UBA52: variants seen among roughly 807,000 people sequenced by gnomAD.
UBA52 encodes the protein ubiquitin A-52 residue ribosomal protein fusion product 1, also known as ubiquitin-ribosomal protein eL40 fusion protein.
In UBA52, 1 loss-of-function variant was observed where a neutral mutation model predicts 15.3. That is an observed-to-expected ratio of 0.07 (90% CI 0.02 to 0.31). UBA52 has a LOEUF of 0.31. Ranked by LOEUF, UBA52 falls within the 10% of genes least tolerant of loss-of-function variation. UBA52 has a pLI of 1.00. For missense variants in UBA52, 87 were observed against 168.0 expected, an observed-to-expected ratio of 0.52 and a Z score of 2.66; for synonymous variants, 50 against 58.3, an observed-to-expected ratio of 0.86 and a Z score of 0.65.
upstream of UBA52, chr19:18,567,298 G>A (rs771473834): frequency 6.1e-6 from 6 of 991,616 alleles, no homozygotes; most frequent in South Asian, 8.4e-5. Flanking sequence ...CAGTGGGTCT[G>A]GGGAAACCTG....
rs1457125625 is a variant in UBA52, at chr19:18,577,314, C to G, written c.*2164C>G. ...CAAGGGGGGATTGAAGGAAGAACCA[C>G]TCTTAATGGACAAAAAGAAAGAAAG... On this transcript the variant is annotated 3_prime_UTR_variant, in exon 5 of 5. Coordinates refer to ENST00000442744, the MANE Select transcript of UBA52 (RefSeq NM_001033930.3). 2.0e-5 allele frequency: 3 copies of G among 152,246 alleles called. No individual in the cohort carries two copies. The highest frequency in any genetic ancestry group is 2.1e-4 in the South Asian group (1 of 4,822). The allele number at this position is 152,246 out of a possible 1,614,324, so 9.4% of individuals were successfully genotyped here. A position where few individuals can be genotyped will look rare whatever the true frequency, so the allele number is the denominator to read the frequency against.
the UBA52 span, among the ~76,000 whole-genome samples, chr19:18,565,453 C>T: frequency 1.3e-5 from 2 of 152,084 alleles, no homozygotes; most frequent in African/African-American, 4.8e-5. Flanking sequence ...AGGATGGTCT[C>T]GATCTCCTGA....
At chr19:18,573,247 G>C (rs1032576185) in intron 1 of UBA52, 46 bp from the exon 2 acceptor site, 4 of 1,567,626 alleles carry the variant, frequency 2.6e-6, no homozygotes, top group Non-Finnish European at 3.5e-6. Context: ...GTGCTACTCA[G>C]GCATGCATTG....
At chr19:18,574,722 T>C in intron 3 of UBA52, 148 bp from the exon 4 acceptor site, 1 of 1,006,530 alleles carries the variant, frequency 9.9e-7, no homozygotes, top group Non-Finnish European at 1.4e-6. Flanking sequence ...CAGTGTATCT[T>C]CCACACGTAG....
upstream of UBA52, among the ~76,000 whole-genome samples, chr19:18,566,792 C>CAAA (rs112810621): frequency 8.8e-6 from 1 of 113,712 alleles, no homozygotes; most frequent in Non-Finnish European, 1.9e-5. Context: ...GATTCTGTCT[C>CAAA]AAAAAAAAAA....
upstream of UBA52, chr19:18,568,553 C>A (rs895738156): frequency 6.2e-6 from 10 of 1,613,834 alleles, no homozygotes; most frequent in Non-Finnish European, 8.5e-6. Context: ...GCTTCGAGGA[C>A]CTGTCCCATG....
the UBA52 span, among the ~76,000 whole-genome samples, chr19:18,566,342 TC>T: frequency 6.6e-6 from 1 of 151,172 alleles, no homozygotes; most frequent in Non-Finnish European, 1.5e-5. Context: ...GTGGTGGGCG[TC>T]TGTATTGCCA....
intron 2 of UBA52, 40 bp from the exon 3 acceptor site, chr19:18,573,622 T>C: frequency 1.9e-6 from 3 of 1,602,448 alleles, no homozygotes; most frequent in East Asian, 2.2e-5. Context: ...GCCAGTAATA[T>C]GGTCCGCAGA....
intron 1 of UBA52, 74 bp from the exon 2 acceptor site, chr19:18,573,219 G>A (rs1975596105): frequency 7.1e-7 from 1 of 1,413,150 alleles, no homozygotes; most frequent in African/African-American, 1.4e-5. Context: ...AGCAACTGTG[G>A]TGTAGGCACC....
In UBA52 at chr19:18,573,351, C is replaced by T. The variant is rs1201351534; in HGVS notation, c.51C>T (p.Val17=). 2 of 1,614,146 alleles carry T rather than the reference C, an allele frequency of 1.2e-6. No homozygotes were observed. The highest frequency in any genetic ancestry group is 1.1e-5 in the South Asian group (1 of 91,078). ...CTGGCAAAACCATCACCCTTGAGGT[C>T]GAGCCCAGTGACACCATTGAGAATG... The part of the protein sequence containing the change: ...TLTGKTITLE[V]EPSDTIENVK... Residue 17 remains valine (V), a synonymous_variant, in exon 2 of 5, where the codon GTC becomes GTT. Transcript: ENST00000442744.
chr19:18,573,056 C>G (rs750889698), intron 1 of UBA52: 3 of 1,336,000 alleles, frequency 2.2e-6, no homozygotes, highest in Non-Finnish European at 2.9e-6. Flanking sequence ...CCCGTGCGGT[C>G]AGGAGGGTGG....
upstream of UBA52, among the ~76,000 whole-genome samples, chr19:18,570,878 G>C (rs1480105280): frequency 2.0e-5 from 3 of 151,270 alleles, no homozygotes; most frequent in Non-Finnish European, 4.4e-5. Flanking sequence ...GTAGAGATGC[G>C]GTTTCTCCAT....
chr19:18,572,148 C>T (rs1975521902), intron 1 of UBA52: 1 of 152,254 alleles, frequency 6.6e-6, no homozygotes, highest in African/African-American at 2.4e-5. Context: ...GGGAAGAGGT[C>T]CTCGGGGCAG....
upstream of UBA52, among the ~76,000 whole-genome samples, chr19:18,566,855 G>A (rs1448057957): frequency 6.6e-6 from 1 of 152,152 alleles, no homozygotes; most frequent in East Asian, 1.9e-4. Flanking sequence ...CGCAGGGGGA[G>A]CCCCCAGCCA....
upstream of UBA52, among the ~76,000 whole-genome samples, chr19:18,570,235 CTG>C (rs1262666514): frequency 1.3e-5 from 2 of 151,502 alleles, no homozygotes; most frequent in Non-Finnish European, 2.9e-5. Context: ...CAGCACCTCT[CTG>C]TTGCCCAGGC....
upstream of UBA52, among the ~76,000 whole-genome samples, chr19:18,571,138 C>G (rs1975464400): frequency 6.6e-6 from 1 of 151,230 alleles, no homozygotes; most frequent in Non-Finnish European, 1.5e-5. Context: ...TGGAGAAACC[C>G]CGTCTCTACT....
At chr19:18,567,400 G>A (rs535660734), upstream of UBA52, 69 of 655,062 alleles carry the variant, frequency 1.1e-4, 1 homozygote, top group South Asian at 8.6e-4. Flanking sequence ...TGGGGAGGCC[G>A]CACAGGAGAA....
chr19:18,574,602 A>G (rs533971925), intron 3 of UBA52, among the ~76,000 whole-genome samples: 1 of 152,284 alleles, frequency 6.6e-6, no homozygotes, highest in South Asian at 2.1e-4. Context: ...GTCGGCTTCC[A>G]TGTTAGAAAC....
At chr19:18,572,802 G>A in intron 1 of UBA52, 1 of 1,008,710 alleles carries the variant, frequency 9.9e-7, no homozygotes, top group Admixed American at 5.2e-5. Flanking sequence ...TGGAGTTAGA[G>A]AGGAGAGAGG....
Sources: allele counts gnomAD v4.1 joint callset (sites outside exome capture counted in the v4.1 genomes callset), GRCh38; gene constraint gnomAD v4.1.1; transcripts MANE v1.5; gene names NCBI Gene and HGNC (gene_info 2026-07-23, HGNC 2026-07-21).